Variants in KMT2C observed in about 807,000 individuals in gnomAD.
KMT2C encodes histone-lysine N-methyltransferase 2C.
A neutral mutation model predicts 507.9 loss-of-function variants in KMT2C; 88 were observed. That is an observed-to-expected ratio of 0.17 (90% CI 0.15 to 0.21). The LOEUF (loss-of-function observed/expected upper bound fraction) is 0.21. Among genes scored for constraint, KMT2C ranks in the 10% least tolerant of loss-of-function variants. The pLI is 1.00. For synonymous variants in KMT2C, 2,049 were observed against 2,080.8 expected, an observed-to-expected ratio of 0.98 and a Z score of 0.42; for missense variants, 4,954 against 5,957.8, an observed-to-expected ratio of 0.83 and a Z score of 5.55.
At position 152,375,341 on chromosome 7, in the gene KMT2C, G is replaced by C. The variant is rs902351361; in HGVS notation, c.162-16666C>G. On this transcript the variant is annotated intron_variant, in intron 1 of 58. Coordinates refer to ENST00000262189, the MANE Select transcript of KMT2C (RefSeq NM_170606.3). ...ACAGGCGTAAGCCACCACACCCAGCGAGTTTTTTTTAAAATAGCAAAGGCT... is the reference window on the plus strand; with the variant it reads ...ACAGGCGTAAGCCACCACACCCAGCCAGTTTTTTTTAAAATAGCAAAGGCT... 2.7e-5 allele frequency among the ~76,000 whole-genome samples: 4 copies of C among 150,662 alleles called. No individual in the cohort carries two copies. The South Asian group carries it at 6.3e-4, about 24-fold the overall frequency.
chr7:152,228,764 C>A (rs564457220), intron 18 of KMT2C, among the ~76,000 whole-genome samples: 2 of 152,090 alleles, frequency 1.3e-5, no homozygotes, highest in Non-Finnish European at 2.9e-5. Flanking sequence ...AACTTTTATA[C>A]AGAATATAAA....
chr7:152,351,926 T>C (rs533983889), intron 2 of KMT2C, among the ~76,000 whole-genome samples: 3 of 152,290 alleles, frequency 2.0e-5, no homozygotes, highest in Non-Finnish European at 2.9e-5. Context: ...GTTTGAACTA[T>C]ATGAAATCTG....
At chr7:152,152,535 G>A (rs922324288) in intron 49 of KMT2C, among the ~76,000 whole-genome samples, 170 bp downstream of exon 49, 1 of 152,210 alleles carries the variant, frequency 6.6e-6, no homozygotes, top group Non-Finnish European at 1.5e-5. Context: ...AGCACTAGAG[G>A]TCAAAATCAC....
At chr7:152,414,848 T>G (rs1437835713) in intron 1 of KMT2C, among the ~76,000 whole-genome samples, 1 of 151,996 alleles carries the variant, frequency 6.6e-6, no homozygotes, top group Non-Finnish European at 1.5e-5. Flanking sequence ...AATACTTTCT[T>G]TCTTTTTTTT....
intron 6 of KMT2C, among the ~76,000 whole-genome samples, chr7:152,305,360 A>G (rs2096606772): frequency 6.6e-6 from 1 of 152,196 alleles, no homozygotes; most frequent in Non-Finnish European, 1.5e-5. Context: ...ATAAATACAT[A>G]AAGGATATGA....
intron 40 of KMT2C, among the ~76,000 whole-genome samples, chr7:152,169,718 A>G (rs1352819558): frequency 1.3e-5 from 2 of 152,166 alleles, no homozygotes; most frequent in Non-Finnish European, 2.9e-5. Flanking sequence ...AAATACGTTA[A>G]TAAAAATATT....
chr7:152,253,514 C>CAAAAA lies in KMT2C; in HGVS notation c.1300-804_1300-800dup, dbSNP rs71198770. On this transcript the variant is annotated intron_variant, in intron 9 of 58. Transcript: ENST00000262189. The stretch of plus-strand genomic sequence containing the variant: ...AGAAGGCAAAACACCTCTTTCTCTA[C>CAAAAA]AAAAAAAAAAAAAAAAAAAAAAAAA... 1.9e-3 allele frequency among the ~76,000 whole-genome samples: 77 copies of CAAAAA among 39,488 alleles called. 2 individuals are homozygous for CAAAAA. The highest frequency in any genetic ancestry group is 6.8e-3 in the East Asian group (8 of 1,184). The allele number at this position is 39,488 out of a possible 152,430, so 25.9% of individuals were successfully genotyped here.
intron 1 of KMT2C, among the ~76,000 whole-genome samples, chr7:152,402,626 T>TC (rs1554713242): frequency 6.6e-6 from 1 of 151,848 alleles, no homozygotes. Context: ...AGCTTCTGCA[T>TC]AGCAAAAGAA....
intron 27 of KMT2C, among the ~76,000 whole-genome samples, chr7:152,197,834 C>G (rs2094010350): frequency 6.6e-6 from 1 of 151,594 alleles, no homozygotes; most frequent in African/African-American, 2.4e-5. Context: ...AACAATTAAT[C>G]TAGGTTTTGA....
intron 6 of KMT2C, among the ~76,000 whole-genome samples, chr7:152,297,055 C>CAGACAGAAAGAGAGAGAG (rs1315629061): frequency 4.7e-5 from 4 of 84,406 alleles, no homozygotes; most frequent in African/African-American, 2.2e-4. Context: ...GAAAGAAAGA[C>CAGACAGAAAGAGAGAGAG]AGAGAGAGAG....
intron 1 of KMT2C, among the ~76,000 whole-genome samples, chr7:152,397,200 G>A (rs2097542680): frequency 2.0e-5 from 3 of 150,442 alleles, no homozygotes; most frequent in African/African-American, 4.9e-5. Flanking sequence ...AACTTTCCAA[G>A]CTTTTTTTTT....
intron 49 of KMT2C, 147 bp from the exon 50 acceptor site, chr7:152,151,728 A>G (rs2091639338): frequency 1.7e-6 from 1 of 573,648 alleles, no homozygotes; most frequent in Non-Finnish European, 2.9e-6. Flanking sequence ...CTTCTAAGCA[A>G]TGGTTACAGA....
rs367567227 is a variant in KMT2C, at chr7:152,187,453, G to A, written c.4817C>T (p.Pro1606Leu). 3.3e-4 allele frequency: 534 copies of A among 1,613,530 alleles called. 4 individuals are homozygous for A. In the South Asian group the frequency reaches 5.5e-3, roughly 17 times the overall value. ...DARDKNSAFNPMASDPNNSWT... is the reference protein window; with the variant it reads ...DARDKNSAFNLMASDPNNSWT... ...AGAGTTGTTAGGATCACTTGCCATT[G>A]GATTAAAGGCTGAATTTTTATCCCT... Residue 1606 changes from proline to leucine, a missense_variant, in exon 33 of 59, where the codon CCA becomes CTA. By Grantham distance (98) the Pro-to-Leu change is moderately conservative. This residue lies in a region of KMT2C where 195 missense variants were observed against 183.7 expected (regional missense o/e 1.06). Coordinates refer to ENST00000262189, the MANE Select transcript of KMT2C (RefSeq NM_170606.3).
At chr7:152,259,953 G>C (rs1433577809) in intron 9 of KMT2C, among the ~76,000 whole-genome samples, 1 of 151,330 alleles carries the variant, frequency 6.6e-6, no homozygotes, top group Non-Finnish European at 1.5e-5. Flanking sequence ...ATGGTTCAAA[G>C]GACAAACCTT....
rs1798835789 is a variant in KMT2C at position 152,135,438 on chromosome 7, A to C, written c.*1394T>G. 4.6e-6 allele frequency: 1 copy of C among 219,234 alleles called. No homozygotes were observed. The highest frequency in any genetic ancestry group is 2.2e-5 in the African/African-American group (1 of 44,544). The allele number at this position is 219,234 out of a possible 1,614,324, so 13.6% of individuals were successfully genotyped here. On this transcript the variant is annotated 3_prime_UTR_variant, in exon 59 of 59. Coordinates refer to ENST00000262189, the MANE Select transcript of KMT2C (RefSeq NM_170606.3). ...GAAATGTAAACAAACAGTTCATACA[A>C]ACACATTTTAAAATTACATCTTCCA...
chr7:152,294,235 C>T (rs577815461), intron 6 of KMT2C, among the ~76,000 whole-genome samples: 2 of 152,276 alleles, frequency 1.3e-5, no homozygotes, highest in Admixed American at 6.5e-5. Flanking sequence ...CTAGGATTAT[C>T]TTGCTGTACC....
In KMT2C at chr7:152,307,263, AAGGAAGGAAGAAAGAAAGG is replaced by A. The variant is rs879598022; in HGVS notation, c.849+2684_849+2702del. Among the ~76,000 whole-genome samples, 517 of 122,598 alleles carry A rather than the reference AAGGAAGGAAGAAAGAAAGG, an allele frequency of 4.2e-3. 4 individuals are homozygous for A. Among genetic ancestry groups the A allele is most frequent in the Non-Finnish European group, 5.8e-3 (354 of 60,754 alleles). 80.4% of individuals were successfully genotyped at this position (122,598 alleles called of 152,430 possible). ...GAAGGAAGGAAGGACGGTAGGAAGG[AAGGAAGGAAGAAAGAAAGG>A]AAGGAAGGAAGGAAGGAAGGAAGGA... On this transcript the variant is annotated intron_variant, in intron 6 of 58. Coordinates refer to ENST00000262189, the MANE Select transcript of KMT2C (RefSeq NM_170606.3).
At chr7:152,152,562 C>G in intron 49 of KMT2C, 143 bp downstream of exon 49, 1 of 975,646 alleles carries the variant, frequency 1.0e-6, no homozygotes, top group Non-Finnish European at 1.6e-6. Context: ...GAAAACAGAA[C>G]ACCCACACAT....
chr7:152,364,942 C>G (rs867063765), intron 1 of KMT2C, among the ~76,000 whole-genome samples: 11 of 145,256 alleles, frequency 7.6e-5, no homozygotes, highest in Admixed American at 4.1e-4. Flanking sequence ...CAGACACACA[C>G]ACACACACAC....
Sources: gnomAD v4.1 joint callset for allele counts (sites outside exome capture counted in the v4.1 genomes callset) on GRCh38, gnomAD v4.1.1 for gene constraint, gnomAD v4.1.1 regional missense constraint, MANE v1.5 for transcripts, NCBI Gene and HGNC (gene_info 2026-07-23, HGNC 2026-07-21) for gene names.